Variants in KDM4C observed in about 807,000 individuals in gnomAD.
KDM4C encodes the protein lysine demethylase 4C, also known as lysine-specific demethylase 4C.
Under a neutral mutation model 129.3 loss-of-function variants are expected in KDM4C, and 81 were observed. The ratio of observed to expected loss-of-function variants is 0.63; its 90% CI spans 0.52 to 0.75. KDM4C has a LOEUF of 0.75. Among genes scored for constraint, KDM4C ranks in the 30% least tolerant of loss-of-function variants. The pLI, the probability that KDM4C is intolerant of heterozygous loss-of-function variation, is 0.00. For missense variants in KDM4C, 1,457 were observed against 1,304.0 expected, an observed-to-expected ratio of 1.12 and a Z score of -1.81; for synonymous variants, 573 against 456.1, an observed-to-expected ratio of 1.26 and a Z score of -3.26.
intron 21 of KDM4C, among the ~76,000 whole-genome samples, chr9:7,171,875 A>G (rs1417779370): frequency 6.6e-6 from 1 of 152,146 alleles, no homozygotes; most frequent in African/African-American, 2.4e-5. Flanking sequence ...AATCACATCC[A>G]TACACTCTGA....
intron 8 of KDM4C, among the ~76,000 whole-genome samples, chr9:6,974,310 T>G (rs1372339670): frequency 6.6e-6 from 1 of 152,202 alleles, no homozygotes; most frequent in Non-Finnish European, 1.5e-5. Context: ...AGGAGAAGGA[T>G]TATATATAAC....
At chr9:6,879,487 C>T (rs1000806302) in intron 5 of KDM4C, among the ~76,000 whole-genome samples, 17 of 151,986 alleles carry the variant, frequency 1.1e-4, no homozygotes, top group East Asian at 7.7e-4. Flanking sequence ...TTGAAAATTA[C>T]GGTGTTCTTA....
chr9:6,908,221 G>GTTTGT (rs965887129), intron 8 of KDM4C, among the ~76,000 whole-genome samples: 1 of 152,184 alleles, frequency 6.6e-6, no homozygotes, highest in African/African-American at 2.4e-5. Flanking sequence ...TGTGTAGGAA[G>GTTTGT]TTTGTGCATT....
intron 6 of KDM4C, among the ~76,000 whole-genome samples, chr9:6,885,580 A>C (rs1228792619): frequency 1.3e-5 from 2 of 151,208 alleles, no homozygotes; most frequent in Non-Finnish European, 2.9e-5. Flanking sequence ...TCCAAAGACC[A>C]TCTTTGCTTG....
intron 4 of KDM4C, among the ~76,000 whole-genome samples, chr9:6,841,851 T>A (rs182500371): frequency 6.6e-6 from 1 of 152,350 alleles, no homozygotes. Flanking sequence ...GCCATTCTGC[T>A]GCCTCACAGA....
chr9:6,758,322 C>G lies in KDM4C; in HGVS notation c.-18+119C>G, dbSNP rs995551366. ...GCGGGCGTCCGGGCGAGCGGCGACG[C>G]TGGGGCAGAGACGCTCCGTCCGTGA... On this transcript the variant is annotated intron_variant, in intron 1 of 21. Coordinates refer to ENST00000381309, the MANE Select transcript of KDM4C (RefSeq NM_015061.6). This position sits in a 1 kb window ranked among gnomAD's most constrained non-coding sequence, Gnocchi z 4.6. The G allele has an allele frequency of 1.8e-6, 1 of 541,044 alleles. No homozygotes were observed. Among genetic ancestry groups the G allele is most frequent in the South Asian group, 8.0e-5 (1 of 12,534 alleles). The allele number at this position is 541,044 out of a possible 1,614,324, so 33.5% of individuals were successfully genotyped here. A position where few individuals can be genotyped will look rare whatever the true frequency, so the allele number is the denominator to read the frequency against.
intron 1 of KDM4C, among the ~76,000 whole-genome samples, chr9:6,782,254 AAAGCTTCAT>A (rs1239831731): frequency 1.3e-5 from 2 of 152,214 alleles, no homozygotes; most frequent in Non-Finnish European, 2.9e-5. Flanking sequence ...TGTTGCCCAA[AAAGCTTCAT>A]AAGGGAGTCA....
chr9:6,988,439 T>C (rs2760649), intron 11 of KDM4C, among the ~76,000 whole-genome samples: 124,780 of 151,666 alleles, frequency 0.82, 52,135 homozygotes, highest in Non-Finnish European at 0.89. Context: ...AACATTGCTA[T>C]TGAAGGCTGA....
chr9:6,963,230 A>C (rs1344502226), intron 8 of KDM4C, among the ~76,000 whole-genome samples: 8 of 152,256 alleles, frequency 5.3e-5, no homozygotes, highest in Non-Finnish European at 1.0e-4. Context: ...AGTAGTTTTT[A>C]GTAAGCAAAT....
In KDM4C at chr9:6,852,011, G is replaced by A. The variant is rs139158020; in HGVS notation, c.629+2311G>A. Among the ~76,000 whole-genome samples the A allele has an allele frequency of 9.9e-4, 151 of 152,202 alleles. 1 individual carries two copies. The East Asian group carries it at 0.019, about 19-fold the overall frequency. On this transcript the variant is annotated intron_variant, in intron 5 of 21. Transcript: ENST00000381309. ...ACTATTATCCTTAACCTTGGCCATT[G>A]TTTATAATGATAAAATAATAAAATG... is the stretch of plus-strand genomic sequence containing the variant.
chr9:7,161,501 T>C (rs1843790630), intron 19 of KDM4C, among the ~76,000 whole-genome samples: 1 of 152,208 alleles, frequency 6.6e-6, no homozygotes, highest in Admixed American at 6.5e-5. Context: ...CTACCCCGAA[T>C]GAAATCTTAC....
chr9:7,082,442 C>G (rs564314764), intron 17 of KDM4C, among the ~76,000 whole-genome samples: 1 of 152,310 alleles, frequency 6.6e-6, no homozygotes, highest in Non-Finnish European at 1.5e-5. Flanking sequence ...ATGCCACAAA[C>G]CATCACTGGA....
intron 8 of KDM4C, among the ~76,000 whole-genome samples, chr9:6,945,485 G>A (rs1395176909): frequency 6.6e-6 from 1 of 152,144 alleles, no homozygotes; most frequent in East Asian, 1.9e-4. Flanking sequence ...TTGAACTCAT[G>A]ATTAGGGAGA....
In KDM4C at chr9:6,984,354, C is replaced by G. The variant is rs754770174; in HGVS notation, c.1304C>G (p.Ala435Gly). The change falls in exon 10 of 22, where the codon GCT becomes GGT. Residue 435 changes from alanine to glycine, a missense_variant. Ala to Gly is a moderately conservative substitution (Grantham distance 60). Transcript: ENST00000381309. Reference protein sequence around the residue: ...TEASSEEESSASRMQVEQNLS... With the variant: ...TEASSEEESSGSRMQVEQNLS... Reference sequence around the variant, plus strand: ...GCATCTTCAGAAGAAGAGTCATCTGCTAGCAGGATGCAGGTGGAGCAGAAT... The same window carrying G: ...GCATCTTCAGAAGAAGAGTCATCTGGTAGCAGGATGCAGGTGGAGCAGAAT... 164 of 1,613,884 alleles carry G rather than the reference C, an allele frequency of 1.0e-4. No homozygotes were observed. In the East Asian group the frequency reaches 3.5e-3, roughly 34 times the overall value.
chr9:6,990,449 T>A lies in KDM4C; in HGVS notation c.1711T>A (p.Trp571Arg). Residue 571 changes from tryptophan to arginine, a missense_variant, in exon 12 of 22, where the codon TGG becomes AGG. Physicochemically the swap from Trp to Arg is moderately radical, Grantham distance 101. Transcript: ENST00000381309. ...AEGENKTSKS[W>R]RHPLSRPPAR... ...GGGAGAGAACAAAACCTCTAAGAGT[T>A]GGCGCCATCCACTTAGCAGGCCTCC... The A allele has an allele frequency of 1.2e-6, 2 of 1,613,756 alleles. No homozygotes were observed. The highest frequency in any genetic ancestry group is 1.7e-6 in the Non-Finnish European group (2 of 1,179,872).
At chr9:6,807,665 G>A (rs1830277664) in intron 3 of KDM4C, among the ~76,000 whole-genome samples, 1 of 149,232 alleles carries the variant, frequency 6.7e-6, no homozygotes, top group South Asian at 2.1e-4. Context: ...CGTCTGAGAA[G>A]TGAGGAGCCC....
chr9:7,169,560 C>T (rs1469983690), intron 20 of KDM4C, among the ~76,000 whole-genome samples: 1 of 152,140 alleles, frequency 6.6e-6, no homozygotes, highest in East Asian at 1.9e-4. Context: ...TCTCGATCTC[C>T]TGACCTTGGG....
intron 8 of KDM4C, among the ~76,000 whole-genome samples, chr9:6,923,316 ATAAT>A (rs1186020516): frequency 6.6e-6 from 1 of 152,110 alleles, no homozygotes; most frequent in East Asian, 1.9e-4. Context: ...ATTGTGACTA[ATAAT>A]TGCACAAGTA....
chr9:6,894,987 G>A (rs1191338858), intron 8 of KDM4C, among the ~76,000 whole-genome samples: 1 of 152,102 alleles, frequency 6.6e-6, no homozygotes, highest in African/African-American at 2.4e-5. Context: ...GGCTATGACT[G>A]TTTTGTTTGG....
Sources: allele counts gnomAD v4.1 joint callset (sites outside exome capture counted in the v4.1 genomes callset), GRCh38; gene constraint gnomAD v4.1.1; non-coding constraint Gnocchi (gnomAD v3.1); transcripts MANE v1.5; gene names NCBI Gene and HGNC (gene_info 2026-07-23, HGNC 2026-07-21).